RNF43: variants seen among roughly 807,000 people sequenced by gnomAD.
RNF43 encodes the protein ring finger protein 43, also known as E3 ubiquitin-protein ligase RNF43.
In RNF43, 37 loss-of-function variants were observed where a neutral mutation model predicts 78.4. The ratio of observed to expected loss-of-function variants is 0.47; its 90% CI spans 0.36 to 0.62. The LOEUF is 0.62. Among genes scored for constraint, RNF43 ranks in the 20% least tolerant of loss-of-function variants. The probability of loss-of-function intolerance (pLI) is 0.00; values close to 1 mark genes in which losing one functional copy is unlikely to be tolerated. For missense variants in RNF43, 774 were observed against 1,007.9 expected (o/e 0.77, Z 3.14); for synonymous variants, 347 against 395.0 (o/e 0.88, Z 1.44).
intron 2 of RNF43, among the ~76,000 whole-genome samples, chr17:58,398,627 A>T (rs1448757537): frequency 6.6e-6 from 1 of 152,228 alleles, no homozygotes; most frequent in Admixed American, 6.5e-5. Context: ...CAGAAATTCC[A>T]CCCATAGAAA....
At chr17:58,380,035 G>A (rs527545382) in intron 2 of RNF43, among the ~76,000 whole-genome samples, 4 of 152,296 alleles carry the variant, frequency 2.6e-5, no homozygotes, top group African/African-American at 9.6e-5. Flanking sequence ...ACCAAGTTCT[G>A]AGGCCTGTGA....
intron 3 of RNF43, among the ~76,000 whole-genome samples, chr17:58,370,457 C>T (rs1263437699): frequency 6.6e-6 from 1 of 152,208 alleles, no homozygotes; most frequent in African/African-American, 2.4e-5. Flanking sequence ...TTAAACACAA[C>T]ATGTCTGCAA....
chr17:58,390,695 C>T (rs1434143572), intron 2 of RNF43, among the ~76,000 whole-genome samples: 1 of 152,168 alleles, frequency 6.6e-6, no homozygotes, highest in Admixed American at 6.5e-5. Context: ...ATTCTAGCTC[C>T]TCAGCTAAAT....
chr17:58,365,125 G>C (rs896033515), intron 3 of RNF43, among the ~76,000 whole-genome samples: 1 of 152,214 alleles, frequency 6.6e-6, no homozygotes, highest in Admixed American at 6.5e-5. Flanking sequence ...GGAGTTGAGA[G>C]GTTCATGGCT....
At chr17:58,384,274 A>G (rs1025750912) in intron 2 of RNF43, among the ~76,000 whole-genome samples, 1 of 152,240 alleles carries the variant, frequency 6.6e-6, no homozygotes, top group Non-Finnish European at 1.5e-5. Flanking sequence ...CGCATTTGTC[A>G]GGAGATTCAG....
At position 58,354,989 on chromosome 17, in the gene RNF43, G is replaced by A. The variant is rs1972656096; in HGVS notation, c.2309-3C>T. ...CTCCTCGAGTTCCTCCTCTGAGCCT[G>A]TATTTAGAGAGCGGGGAGGAAAGAG... is the stretch of plus-strand genomic sequence containing the variant. On this transcript the variant is annotated splice_polypyrimidine_tract_variant and splice_region_variant and intron_variant, in intron 9 of 9. Transcript: ENST00000407977. The A allele has an allele frequency of 6.2e-7, 1 of 1,613,876 alleles. No homozygotes were observed. The highest frequency in any genetic ancestry group is 2.2e-5 in the East Asian group (1 of 44,882).
intron 8 of RNF43, among the ~76,000 whole-genome samples, chr17:58,359,465 A>T (rs941113664): frequency 6.6e-6 from 1 of 151,706 alleles, no homozygotes; most frequent in Non-Finnish European, 1.5e-5. Context: ...TTAGCTGGGC[A>T]TGGTGGCGGG....
At chr17:58,401,718 C>G (rs1399159525) in intron 2 of RNF43, among the ~76,000 whole-genome samples, 2 of 152,050 alleles carry the variant, frequency 1.3e-5, no homozygotes, top group East Asian at 1.9e-4. Flanking sequence ...AATGAAAGGT[C>G]AGTTGCAGGC....
At chr17:58,371,160 C>T in intron 2 of RNF43, 127 bp from the exon 3 acceptor site, 3 of 928,544 alleles carry the variant, frequency 3.2e-6, no homozygotes, top group Non-Finnish European at 1.5e-6. Flanking sequence ...AAAGAGTAGG[C>T]CTTATGATTG....
chr17:58,400,188 C>T (rs12939505), intron 2 of RNF43, among the ~76,000 whole-genome samples: 2,235 of 152,240 alleles, frequency 0.015, 30 homozygotes, highest in Non-Finnish European at 0.017. Context: ...GTATTAAGTT[C>T]CCACCCCAGA....
rs1452468943 is a variant in RNF43, at chr17:58,360,527, TA to T, written c.849+255del. ...ACCCCACCCTTCATTGCCATGGGTCTAAAATGAGATAATGCATCCAAAGCAC... is the reference window on the plus strand; with the variant it reads ...ACCCCACCCTTCATTGCCATGGGTCTAAATGAGATAATGCATCCAAAGCAC... On this transcript the variant is annotated intron_variant, in intron 7 of 9. Coordinates refer to ENST00000407977, the MANE Select transcript of RNF43 (RefSeq NM_017763.6). The surrounding 1 kb of genome is among the most constrained non-coding windows in gnomAD (Gnocchi z 4.3). 6.6e-6 allele frequency among the ~76,000 whole-genome samples: 1 copy of T among 152,198 alleles called. No individual in the cohort carries two copies. Among genetic ancestry groups the T allele is most frequent in the Admixed American group, 6.5e-5 (1 of 15,284 alleles).
At chr17:58,393,820 T>G (rs192240463) in intron 2 of RNF43, among the ~76,000 whole-genome samples, 252 of 152,188 alleles carry the variant, frequency 1.7e-3, no homozygotes, top group Non-Finnish European at 3.2e-3. Flanking sequence ...TTTGGGAGGC[T>G]GAGGCGGGCG....
intron 3 of RNF43, among the ~76,000 whole-genome samples, chr17:58,364,539 G>A (rs1356785880): frequency 6.6e-6 from 1 of 152,224 alleles, no homozygotes; most frequent in Non-Finnish European, 1.5e-5. Context: ...AGGCACAACA[G>A]CAAACAACTA....
intron 2 of RNF43, among the ~76,000 whole-genome samples, chr17:58,375,439 C>T (rs1012774361): frequency 2.0e-5 from 3 of 152,182 alleles, no homozygotes; most frequent in East Asian, 1.9e-4. Flanking sequence ...CTGCTCTGTC[C>T]GGCATTTCCC....
At chr17:58,388,984 A>G (rs1973491687) in intron 2 of RNF43, among the ~76,000 whole-genome samples, 1 of 152,238 alleles carries the variant, frequency 6.6e-6, no homozygotes. Context: ...ACTGCATGCC[A>G]AGATGAGAGT....
At chr17:58,407,681 T>G (rs1408015658) in intron 2 of RNF43, among the ~76,000 whole-genome samples, 1 of 152,260 alleles carries the variant, frequency 6.6e-6, no homozygotes, top group East Asian at 1.9e-4. Flanking sequence ...TATAAAGTTT[T>G]CCATTAGAGC....
chr17:58,356,894 T>G (rs1037456106), intron 9 of RNF43: 3 of 201,516 alleles, frequency 1.5e-5, no homozygotes, highest in African/African-American at 7.4e-5. Context: ...CTCTTTTTTT[T>G]TTTTTTTTTT....
At chr17:58,370,060 G>GTTTTTTTT (rs56372311) in intron 3 of RNF43, among the ~76,000 whole-genome samples, 7 of 96,276 alleles carry the variant, frequency 7.3e-5, no homozygotes, top group Non-Finnish European at 1.0e-4. Flanking sequence ...GAAAATCTGA[G>GTTTTTTTT]TTTTTTTTTT....
chr17:58,391,797 G>A (rs1025967847), intron 2 of RNF43, among the ~76,000 whole-genome samples: 3 of 152,166 alleles, frequency 2.0e-5, no homozygotes, highest in African/African-American at 7.2e-5. Context: ...TGTGCTCTCT[G>A]TCTCTCCAGA....
Sources: gnomAD v4.1 joint callset for allele counts (sites outside exome capture counted in the v4.1 genomes callset) on GRCh38, gnomAD v4.1.1 for gene constraint, Gnocchi (gnomAD v3.1) non-coding constraint, MANE v1.5 for transcripts, NCBI Gene and HGNC (gene_info 2026-07-23, HGNC 2026-07-21) for gene names.